The following PTPN21 variants were observed in gnomAD, a reference collection of about 807,000 sequenced individuals.
PTPN21 encodes the protein tyrosine-protein phosphatase non-receptor type 21.
Under a neutral mutation model 131.8 loss-of-function variants are expected in PTPN21, and 77 were observed. The ratio of observed to expected loss-of-function variants is 0.58; its 90% CI spans 0.49 to 0.71. PTPN21 has a LOEUF of 0.71. Among genes scored for constraint, PTPN21 ranks in the 30% least tolerant of loss-of-function variants. The pLI, the probability that PTPN21 is intolerant of heterozygous loss-of-function variation, is 0.00. For missense variants in PTPN21, 1,552 were observed against 1,527.1 expected (o/e 1.02, Z -0.27); for synonymous variants, 715 against 621.3 (o/e 1.15, Z -2.24).
rs374965907 is a variant in PTPN21 at position 88,480,052 on chromosome 14, C to A, written c.1379G>T (p.Arg460Met). The change falls in exon 13 of 19, where the codon AGG (arginine) becomes ATG (methionine). Residue 460 changes from arginine (R) to methionine (M), a missense_variant. By Grantham distance (91) the Arg-to-Met change is moderately conservative. Around this residue, in one of 4 missense-constraint regions of PTPN21, gnomAD observed 1,016 missense variants for 883.5 expected, o/e 1.15. Transcript: ENST00000556564. ...CTGCCGTTCCGCATGCACCAGGCCC[C>A]TGTTGAGCTGCTTCATCACAGTCTC... Reference protein sequence around the residue: ...DYETVMKQLNRGLVHAERQSH... With the variant: ...DYETVMKQLNMGLVHAERQSH... 6.2e-7 allele frequency: 1 copy of A among 1,614,058 alleles called. No homozygotes were observed. The highest frequency in any genetic ancestry group is 8.5e-7 in the Non-Finnish European group (1 of 1,180,028).
chr14:88,492,631 C>T (rs573181201), intron 10 of PTPN21, among the ~76,000 whole-genome samples: 1 of 152,336 alleles, frequency 6.6e-6, no homozygotes, highest in South Asian at 2.1e-4. Flanking sequence ...TACACTGCTG[C>T]TCCTGCCCAG....
At chr14:88,478,255 T>C (rs1011908421) in intron 13 of PTPN21, among the ~76,000 whole-genome samples, 3 of 152,226 alleles carry the variant, frequency 2.0e-5, no homozygotes, top group African/African-American at 7.2e-5. Context: ...CATATTTATT[T>C]ATTAGGCTGA....
chr14:88,471,769 G>T lies in PTPN21; in HGVS notation c.2871+475C>A, dbSNP rs559831951. Reference sequence around the variant, plus strand: ...AAAACTAGCAATTCAGTGGCTCCCAGAATTTATGAGCTAAAAAGAGGTCTT... The same window carrying T: ...AAAACTAGCAATTCAGTGGCTCCCATAATTTATGAGCTAAAAAGAGGTCTT... On this transcript the variant is annotated intron_variant, in intron 15 of 18. Coordinates refer to ENST00000556564, the MANE Select transcript of PTPN21 (RefSeq NM_007039.4). Among the ~76,000 whole-genome samples the T allele has an allele frequency of 4.4e-4, 67 of 152,182 alleles. 2 individuals carry two copies. The South Asian group carries it at 0.014, about 31-fold the overall frequency.
chr14:88,491,053 T>G (rs1465955648), intron 10 of PTPN21, among the ~76,000 whole-genome samples: 1 of 152,188 alleles, frequency 6.6e-6, no homozygotes, highest in Non-Finnish European at 1.5e-5. Flanking sequence ...TTGACATTAT[T>G]ATGTCATTTA....
Position 88,480,122 on chromosome 14 carries a change from G to A in PTPN21, c.1309C>T (p.His437Tyr), listed in dbSNP as rs1450008482. The A allele has an allele frequency of 6.2e-7, 1 of 1,614,094 alleles. No homozygotes were observed. The highest frequency in any genetic ancestry group is 8.5e-7 in the Non-Finnish European group (1 of 1,180,040). The change falls in exon 13 of 19, where the codon CAC becomes TAC. Residue 437 changes from histidine (H) to tyrosine (Y), a missense_variant. Physicochemically the swap from His to Tyr is moderately conservative, Grantham distance 83 (BLOSUM62 2). Transcript: ENST00000556564. ...TAGGACGGGGGTATCACGGCGCTGT[G>A]CCGATGGGACGGGAGGTAGTCAGGC... ...MRPDYLPSHRHSAVIPPSYRP... is the reference protein window; with the variant it reads ...MRPDYLPSHRYSAVIPPSYRP...
intron 2 of PTPN21, among the ~76,000 whole-genome samples, chr14:88,535,922 T>C (rs998460354): frequency 6.6e-6 from 1 of 152,254 alleles, no homozygotes; most frequent in Non-Finnish European, 1.5e-5. Flanking sequence ...CGTTTAATTG[T>C]AACAGAAGTT....
Position 88,505,208 on chromosome 14 carries a change from CAGTA to C in PTPN21, c.516+92_516+95del, listed in dbSNP as rs1037526649. 5 of 1,008,820 alleles carry C rather than the reference CAGTA, an allele frequency of 5.0e-6. No individual in the cohort carries two copies. The African/African-American group carries it at 8.2e-5, about 16-fold the overall frequency. 62.5% of individuals were successfully genotyped at this position (1,008,820 alleles called of 1,614,324 possible). On this transcript the variant is annotated intron_variant, in intron 5 of 18. Coordinates refer to ENST00000556564, the MANE Select transcript of PTPN21 (RefSeq NM_007039.4). Reference sequence around the variant, plus strand: ...TTTTTTTTTATAATCCTATTCCTGACAGTAAGTCTATCATACGGATTTCATTTCA... The same window carrying C: ...TTTTTTTTTATAATCCTATTCCTGACAGTCTATCATACGGATTTCATTTCA...
intron 2 of PTPN21, among the ~76,000 whole-genome samples, chr14:88,534,964 A>G (rs2078608927): frequency 6.6e-6 from 1 of 152,158 alleles, no homozygotes; most frequent in Non-Finnish European, 1.5e-5. Flanking sequence ...ACTATAGTGC[A>G]ACTTCCTAGG....
rs2077577913 is a variant in PTPN21 at position 88,478,322 on chromosome 14, A to G, written c.2511+598T>C. Among the ~76,000 whole-genome samples the G allele has an allele frequency of 2.6e-5, 4 of 152,356 alleles. No homozygotes were observed. The South Asian group carries it at 8.3e-4, about 32-fold the overall frequency. On this transcript the variant is annotated intron_variant, in intron 13 of 18. Coordinates refer to ENST00000556564, the MANE Select transcript of PTPN21 (RefSeq NM_007039.4). ...TTTCCTTAGATTCTCAGCTGAATTCATCTTTCTTTTAAATTTAAGAAACCT... is the reference window on the plus strand; with the variant it reads ...TTTCCTTAGATTCTCAGCTGAATTCGTCTTTCTTTTAAATTTAAGAAACCT...
At chr14:88,478,381 C>A (rs2077578562) in intron 13 of PTPN21, among the ~76,000 whole-genome samples, 1 of 152,178 alleles carries the variant, frequency 6.6e-6, no homozygotes, top group Non-Finnish European at 1.5e-5. Context: ...CAAAGTGCCA[C>A]CTTCCCAACT....
chr14:88,470,734 C>T (rs936406593), intron 15 of PTPN21, among the ~76,000 whole-genome samples: 2 of 152,246 alleles, frequency 1.3e-5, no homozygotes, highest in African/African-American at 2.4e-5. Flanking sequence ...CGCTCCACAT[C>T]GTCTCACTGA....
intron 7 of PTPN21, 123 bp downstream of exon 7, chr14:88,501,158 T>G: frequency 1.1e-6 from 1 of 917,396 alleles, no homozygotes; most frequent in Admixed American, 2.2e-5. Flanking sequence ...CCTCAGCTTT[T>G]AAGTTTCCAG....
At chr14:88,485,264 A>T in intron 11 of PTPN21, 104 bp from the exon 12 acceptor site, 1 of 598,918 alleles carries the variant, frequency 1.7e-6, no homozygotes, top group Non-Finnish European at 2.8e-6. Flanking sequence ...CTTCTAAAGG[A>T]ATTAAATATA....
Position 88,477,450 on chromosome 14 carries a change from A to C in PTPN21, c.2511+1470T>G, listed in dbSNP as rs985834943. Among the ~76,000 whole-genome samples, 800 of 135,328 alleles carry C rather than the reference A, an allele frequency of 5.9e-3. 7 individuals carry two copies. Among genetic ancestry groups the C allele is most frequent in the African/African-American group, 0.026 (758 of 29,170 alleles). 88.8% of individuals were successfully genotyped at this position (135,328 alleles called of 152,430 possible). A position where few individuals can be genotyped will look rare whatever the true frequency, so the allele number is the denominator to read the frequency against. ...GGCAACAGGGCAAGACTGTTCTAAA[A>C]AAAAAAAAAAAAAAAAAAAAGCAAA... On this transcript the variant is annotated intron_variant, in intron 13 of 18. Transcript: ENST00000556564.
At position 88,467,690 on chromosome 14, in the gene PTPN21, A is replaced by G. The variant is rs2077386315; in HGVS notation, c.*447T>C. 6.1e-6 allele frequency: 1 copy of G among 164,626 alleles called. No individual in the cohort carries two copies. 10.2% of individuals were successfully genotyped at this position (164,626 alleles called of 1,614,324 possible). On this transcript the variant is annotated 3_prime_UTR_variant, in exon 19 of 19. Transcript: ENST00000556564. The stretch of plus-strand genomic sequence containing the variant: ...TAGGAGCAACTCATATCTGTGGATC[A>G]TCCTTACACAAAGTTGTTTCTCACT...
At chr14:88,510,040 C>T (rs540925679) in intron 3 of PTPN21, among the ~76,000 whole-genome samples, 75 of 152,024 alleles carry the variant, frequency 4.9e-4, no homozygotes, top group Non-Finnish European at 8.4e-4. Context: ...TGTCTCAAAA[C>T]AAAAAACAAA....
At position 88,496,472 on chromosome 14, in the gene PTPN21, T is replaced by C; in HGVS notation, c.873A>G (p.Lys291=). The part of the protein sequence containing the change: ...QFQTEDMETA[K]YIWRLCVARH... ...GCGCAACACAGAGTCTCCAAATGTA[T>C]TTTGCTGTTTCCATGTCTTCCTAGC... Residue 291 remains lysine, a synonymous_variant, in exon 10 of 19, where the codon AAA becomes AAG. Coordinates refer to ENST00000556564, the MANE Select transcript of PTPN21 (RefSeq NM_007039.4). The C allele has an allele frequency of 1.9e-6, 3 of 1,613,960 alleles. No individual in the cohort carries two copies. Among genetic ancestry groups the C allele is most frequent in the Non-Finnish European group, 1.7e-6 (2 of 1,179,896 alleles).
In PTPN21 at chr14:88,472,468, A is replaced by G. The variant is rs766606707; in HGVS notation, c.2650-3T>C. 6.4e-6 allele frequency: 10 copies of G among 1,553,872 alleles called. No homozygotes were observed. The highest frequency in any genetic ancestry group is 1.1e-5 in the South Asian group (1 of 89,516). On this transcript the variant is annotated splice_region_variant and splice_polypyrimidine_tract_variant and intron_variant, in intron 14 of 18. Coordinates refer to ENST00000556564, the MANE Select transcript of PTPN21 (RefSeq NM_007039.4). Reference sequence around the variant, plus strand: ...AATCGTTGTTCCAGAATTTTACACTATAAAACAGAATATGTGTAATAACAT... The same window carrying G: ...AATCGTTGTTCCAGAATTTTACACTGTAAAACAGAATATGTGTAATAACAT...
intron 10 of PTPN21, among the ~76,000 whole-genome samples, chr14:88,494,471 C>T (rs942517690): frequency 4.0e-5 from 6 of 151,816 alleles, no homozygotes; most frequent in African/African-American, 9.7e-5. Context: ...AGTTTGAGAC[C>T]GGTGTGGGTA....
Sources: gnomAD v4.1 joint callset for allele counts (sites outside exome capture counted in the v4.1 genomes callset) on GRCh38, gnomAD v4.1.1 for gene constraint, gnomAD v4.1.1 regional missense constraint, MANE v1.5 for transcripts, NCBI Gene and HGNC (gene_info 2026-07-23, HGNC 2026-07-21) for gene names.